The following CCDC91 variants were observed in gnomAD, a reference collection of about 807,000 sequenced individuals.
CCDC91 encodes coiled-coil domain-containing protein 91.
In CCDC91, 48 loss-of-function variants were observed where a neutral mutation model predicts 63.2. That is an observed-to-expected ratio of 0.76 (90% CI 0.60 to 0.97). The LOEUF (loss-of-function observed/expected upper bound fraction) is 0.97, where lower values mean the gene tolerates loss of function less well. CCDC91 is among the 50% of genes least tolerant of loss of function. The pLI is 0.00. For synonymous variants in CCDC91, 167 were observed against 165.8 expected (o/e 1.01, Z -0.06); for missense variants, 500 against 494.6 (o/e 1.01, Z -0.10).
chr12:28,334,381 T>C (rs954329892), intron 6 of CCDC91, among the ~76,000 whole-genome samples: 4 of 152,206 alleles, frequency 2.6e-5, no homozygotes, highest in African/African-American at 7.2e-5. Flanking sequence ...ATGAGCTCTT[T>C]ATATTCTTGG....
At chr12:28,273,301 C>T (rs1208149451) in intron 3 of CCDC91, among the ~76,000 whole-genome samples, 1 of 152,112 alleles carries the variant, frequency 6.6e-6, no homozygotes, top group Non-Finnish European at 1.5e-5. Flanking sequence ...AGTAAACATA[C>T]GTGTGCACAT....
At chr12:28,495,998 G>A (rs1194718035) in intron 12 of CCDC91, among the ~76,000 whole-genome samples, 2 of 151,488 alleles carry the variant, frequency 1.3e-5, no homozygotes, top group South Asian at 2.1e-4. Context: ...AAATCTTTCC[G>A]ATTTTCCTGA....
chr12:28,360,893 T>G (rs1190228599), intron 6 of CCDC91, among the ~76,000 whole-genome samples: 1 of 152,054 alleles, frequency 6.6e-6, no homozygotes, highest in Non-Finnish European at 1.5e-5. Flanking sequence ...TGGAGAATTT[T>G]TTGTGTATGT....
intron 1 of CCDC91, among the ~76,000 whole-genome samples, chr12:28,214,748 C>T (rs7980441): frequency 0.21 from 31,258 of 152,092 alleles, 4,210 homozygotes; most frequent in Non-Finnish European, 0.31. Flanking sequence ...ATCTTTACTT[C>T]CTCTTCTTGG....
At chr12:28,506,830 A>G (rs1266490573) in intron 12 of CCDC91, among the ~76,000 whole-genome samples, 1 of 151,708 alleles carries the variant, frequency 6.6e-6, no homozygotes, top group African/African-American at 2.4e-5. Context: ...AGCATTGATG[A>G]TAATATTTAC....
At chr12:28,298,400 C>A (rs1300583856) in intron 3 of CCDC91, among the ~76,000 whole-genome samples, 1 of 148,282 alleles carries the variant, frequency 6.7e-6, no homozygotes, top group Non-Finnish European at 1.5e-5. Context: ...GCTAGTTGGC[C>A]CCTATTAGTC....
intron 3 of CCDC91, among the ~76,000 whole-genome samples, chr12:28,304,411 A>AAAAAAAAAAAAAAAAAAG (rs1565764992): frequency 7.1e-6 from 1 of 141,720 alleles, no homozygotes; most frequent in African/African-American, 2.5e-5. Context: ...AGAAAAAAAA[A>AAAAAAAAAAAAAAAAAAG]AAAAGAAAAA....
At chr12:28,474,450 A>G (rs572191024) in intron 11 of CCDC91, among the ~76,000 whole-genome samples, 5 of 152,238 alleles carry the variant, frequency 3.3e-5, no homozygotes, top group African/African-American at 1.2e-4. Flanking sequence ...GGATTGTACC[A>G]AAACAGGCAA....
intron 11 of CCDC91, among the ~76,000 whole-genome samples, chr12:28,466,785 C>G (rs1320432247): frequency 3.3e-5 from 5 of 152,094 alleles, no homozygotes; most frequent in Non-Finnish European, 7.4e-5. Context: ...GCAAAACTCT[C>G]TGGTAATAGT....
intron 11 of CCDC91, among the ~76,000 whole-genome samples, chr12:28,478,143 C>G (rs548254497): frequency 1.3e-5 from 2 of 152,026 alleles, no homozygotes; most frequent in Non-Finnish European, 2.9e-5. Context: ...AAAAAGAGCC[C>G]GCATTGCCAA....
chr12:28,361,682 TTTCTATTTTATGGA>T (rs1302821032), intron 6 of CCDC91, among the ~76,000 whole-genome samples: 3 of 152,052 alleles, frequency 2.0e-5, no homozygotes, highest in African/African-American at 7.2e-5. Flanking sequence ...AGATCTAGAA[TTTCTATTTTATGGA>T]TTCCAGTTCT....
rs546335463 is a variant in CCDC91 at position 28,239,821 on chromosome 12, GTATT to G, written c.-14-17375_-14-17372del. Among the ~76,000 whole-genome samples the G allele has an allele frequency of 2.0e-3, 310 of 152,152 alleles. 1 individual carries two copies. The highest frequency in any genetic ancestry group is 3.5e-3 in the Admixed American group (53 of 15,280). On this transcript the variant is annotated intron_variant, in intron 1 of 12. Coordinates refer to ENST00000536442, the MANE Select transcript of CCDC91 (RefSeq NM_018318.5). ...TTGCATGTAGAATTAAAATATATAT[GTATT>G]TATTTGAGTACTAGAAGGAGATAAG...
chr12:28,360,748 A>G (rs1943826122), intron 6 of CCDC91, among the ~76,000 whole-genome samples: 1 of 152,212 alleles, frequency 6.6e-6, no homozygotes, highest in Non-Finnish European at 1.5e-5. Flanking sequence ...ATGTTGTCCA[A>G]ATAAAATATG....
intron 6 of CCDC91, among the ~76,000 whole-genome samples, chr12:28,335,749 C>A (rs979747330): frequency 6.6e-6 from 1 of 151,978 alleles, no homozygotes; most frequent in Non-Finnish European, 1.5e-5. Flanking sequence ...ATACTTCAAC[C>A]ATTTTTAGTA....
At chr12:28,232,500 A>G (rs1322205350) in intron 1 of CCDC91, among the ~76,000 whole-genome samples, 1 of 152,056 alleles carries the variant, frequency 6.6e-6, no homozygotes, top group Non-Finnish European at 1.5e-5. Flanking sequence ...TTTGTATTCT[A>G]TTGTACTTAG....
At chr12:28,380,809 T>C (rs1945254203) in intron 7 of CCDC91, among the ~76,000 whole-genome samples, 2 of 152,156 alleles carry the variant, frequency 1.3e-5, no homozygotes, top group Non-Finnish European at 2.9e-5. Flanking sequence ...ATTATTCTAA[T>C]GAACTGAATT....
intron 7 of CCDC91, among the ~76,000 whole-genome samples, chr12:28,373,820 C>T (rs1403211172): frequency 1.3e-5 from 2 of 152,044 alleles, no homozygotes; most frequent in Non-Finnish European, 2.9e-5. Flanking sequence ...TGCAGTTTCC[C>T]CCATGTTGTC....
intron 3 of CCDC91, among the ~76,000 whole-genome samples, chr12:28,260,009 G>T (rs917444971): frequency 6.6e-6 from 1 of 151,944 alleles, no homozygotes; most frequent in African/African-American, 2.4e-5. Context: ...GAAGATGAAA[G>T]TATTTTCTTC....
intron 6 of CCDC91, among the ~76,000 whole-genome samples, chr12:28,343,911 A>C (rs2138057959): frequency 6.6e-6 from 1 of 152,224 alleles, no homozygotes; most frequent in African/African-American, 2.4e-5. Context: ...CTTTTCTAAG[A>C]GTGAGGTAAT....
Sources: allele counts gnomAD v4.1 joint callset (sites outside exome capture counted in the v4.1 genomes callset), GRCh38; gene constraint gnomAD v4.1.1; transcripts MANE v1.5; gene names NCBI Gene and HGNC (gene_info 2026-07-23, HGNC 2026-07-21).